The following BMERB1 variants were observed in gnomAD, a reference collection of about 807,000 sequenced individuals.
BMERB1 encodes bMERB domain-containing protein 1.
Under a neutral mutation model 23.6 loss-of-function variants are expected in BMERB1, and 12 were observed. The ratio of observed to expected loss-of-function variants is 0.51; its 90% confidence interval spans 0.33 to 0.82. The LOEUF (loss-of-function observed/expected upper bound fraction) is 0.82, where lower values mean the gene tolerates loss of function less well. BMERB1 is among the 40% of genes least tolerant of loss of function. BMERB1 has a pLI of 0.03. For synonymous variants in BMERB1, 122 were observed against 96.6 expected (o/e 1.26, Z -1.54); for missense variants, 247 against 255.4 (o/e 0.97, Z 0.22).
Position 15,434,716 on chromosome 16 carries a change from G to T in BMERB1, c.63G>T (p.Gly21=). Residue 21 remains glycine, a synonymous_variant, in exon 1 of 6, where the codon GGG becomes GGT. Coordinates refer to ENST00000300006, the MANE Select transcript of BMERB1 (RefSeq NM_033201.3). The stretch of plus-strand genomic sequence containing the variant: ...CCGAGAAGCCTCTGAGGCGCTATGG[G>T]GCGGTGGAGGAGACGGCTTGGAAAA... The part of the protein sequence containing the change: ...LEAEKPLRRY[G]AVEETAWKTE... The T allele has an allele frequency of 2.5e-6, 4 of 1,613,552 alleles. No homozygotes were observed. The highest frequency in any genetic ancestry group is 2.5e-6 in the Non-Finnish European group (3 of 1,179,728).
At chr16:15,497,329 G>A (rs2051483042) in intron 1 of BMERB1, among the ~76,000 whole-genome samples, 1 of 152,174 alleles carries the variant, frequency 6.6e-6, no homozygotes, top group Non-Finnish European at 1.5e-5. Flanking sequence ...AAGCAATCCC[G>A]ATGAATGAGG....
chr16:15,445,966 T>C (rs1372472896), intron 1 of BMERB1, among the ~76,000 whole-genome samples: 3 of 152,172 alleles, frequency 2.0e-5, no homozygotes, highest in African/African-American at 7.2e-5. Context: ...AAAATCATCA[T>C]GCTGAGTGAA....
intron 2 of BMERB1, among the ~76,000 whole-genome samples, chr16:15,555,565 T>C (rs565601758): frequency 1.4e-4 from 21 of 152,286 alleles, no homozygotes; most frequent in Non-Finnish European, 2.1e-4. Context: ...AACGAGTGTC[T>C]GACTGCAATC....
chr16:15,517,311 C>T (rs1352417616), intron 2 of BMERB1, among the ~76,000 whole-genome samples: 1 of 152,124 alleles, frequency 6.6e-6, no homozygotes, highest in Non-Finnish European at 1.5e-5. Flanking sequence ...GAGTTTGAGA[C>T]CAGCCTGGCC....
intron 1 of BMERB1, among the ~76,000 whole-genome samples, chr16:15,492,538 C>A (rs1309462713): frequency 2.0e-5 from 3 of 152,268 alleles, no homozygotes; most frequent in South Asian, 4.1e-4. Flanking sequence ...AATGGAGAAA[C>A]CTGGCAGACA....
chr16:15,489,129 A>G (rs1355868729), intron 1 of BMERB1, among the ~76,000 whole-genome samples: 1 of 152,114 alleles, frequency 6.6e-6, no homozygotes, highest in East Asian at 1.9e-4. Flanking sequence ...TCTGAATCTG[A>G]ACGGGAAGGG....
At chr16:15,435,618 C>T (rs1025032737) in intron 1 of BMERB1, among the ~76,000 whole-genome samples, 1 of 152,318 alleles carries the variant, frequency 6.6e-6, no homozygotes, top group Non-Finnish European at 1.5e-5. Context: ...AGGAGAGGTC[C>T]TTCTCAGGGA....
intron 1 of BMERB1, among the ~76,000 whole-genome samples, chr16:15,436,445 G>T (rs2050888907): frequency 6.6e-6 from 1 of 151,926 alleles, no homozygotes; most frequent in Admixed American, 6.6e-5. Context: ...TTTTAGTAGA[G>T]ATGGGGTTTC....
At chr16:15,484,175 C>G (rs1216442672) in intron 1 of BMERB1, among the ~76,000 whole-genome samples, 1 of 152,156 alleles carries the variant, frequency 6.6e-6, no homozygotes, top group African/African-American at 2.4e-5. Context: ...CTCCCATCAT[C>G]CAAACACCTC....
intron 1 of BMERB1, among the ~76,000 whole-genome samples, chr16:15,479,141 T>C (rs1161057367): frequency 1.3e-5 from 2 of 152,224 alleles, no homozygotes; most frequent in African/African-American, 4.8e-5. Context: ...TTGTTGCTGG[T>C]GATCAAACTT....
At chr16:15,583,375 C>T (rs2031064759) in intron 5 of BMERB1, 137 bp downstream of exon 5, 8 of 691,856 alleles carry the variant, frequency 1.2e-5, no homozygotes, top group South Asian at 4.9e-5. Context: ...GTCAGGAGTT[C>T]GAGACCAGCC....
Position 15,587,663 on chromosome 16 carries a change from T to C in BMERB1, c.*834T>C. The C allele has an allele frequency of 3.1e-6, 1 of 320,238 alleles. No individual in the cohort carries two copies. The allele number at this position is 320,238 out of a possible 1,614,324, so 19.8% of individuals were successfully genotyped here. ...CACCATTCCGGGGCCACCACAGAGATGCCAGCAGGATGCCACTTTGCCAGC... is the reference window on the plus strand; with the variant it reads ...CACCATTCCGGGGCCACCACAGAGACGCCAGCAGGATGCCACTTTGCCAGC... On this transcript the variant is annotated 3_prime_UTR_variant, in exon 6 of 6. Coordinates refer to ENST00000300006, the MANE Select transcript of BMERB1 (RefSeq NM_033201.3).
intron 1 of BMERB1, among the ~76,000 whole-genome samples, chr16:15,503,181 A>T (rs537438383): frequency 6.6e-6 from 1 of 152,240 alleles, no homozygotes; most frequent in Admixed American, 6.5e-5. Context: ...GCATCCTATT[A>T]GGGATTATAA....
rs759350784 is a variant in BMERB1 at position 15,586,868 on chromosome 16, C to A, written c.*39C>A. The A allele has an allele frequency of 2.9e-5, 38 of 1,332,666 alleles. No homozygotes were observed. In the Admixed American group the frequency reaches 3.5e-4, roughly 12 times the overall value. 82.6% of individuals were successfully genotyped at this position (1,332,666 alleles called of 1,614,324 possible). On this transcript the variant is annotated 3_prime_UTR_variant, in exon 6 of 6. Transcript: ENST00000300006. Reference sequence around the variant, plus strand: ...TGCCCTGGGCCATGGGGACCCCCCCCCACCCTCTTGTCTTTATAGCCCCCA... The same window carrying A: ...TGCCCTGGGCCATGGGGACCCCCCCACACCCTCTTGTCTTTATAGCCCCCA...
At chr16:15,513,100 A>T (rs1192217440) in intron 1 of BMERB1, among the ~76,000 whole-genome samples, 1 of 152,010 alleles carries the variant, frequency 6.6e-6, no homozygotes, top group Non-Finnish European at 1.5e-5. Flanking sequence ...TCCTGCCCCG[A>T]GTCTCCCCCA....
At chr16:15,503,654 C>T (rs949340592) in intron 1 of BMERB1, among the ~76,000 whole-genome samples, 6 of 152,096 alleles carry the variant, frequency 3.9e-5, no homozygotes, top group Admixed American at 3.3e-4. Context: ...CACACGGATA[C>T]TGAGGGACAA....
chr16:15,517,465 T>G (rs2051776349), intron 2 of BMERB1, among the ~76,000 whole-genome samples: 1 of 152,090 alleles, frequency 6.6e-6, no homozygotes, highest in South Asian at 2.1e-4. Context: ...GAGCTGAGAT[T>G]ATACCATTTC....
At chr16:15,490,833 C>T (rs920842728) in intron 1 of BMERB1, among the ~76,000 whole-genome samples, 2 of 152,106 alleles carry the variant, frequency 1.3e-5, no homozygotes, top group African/African-American at 4.8e-5. Flanking sequence ...GATTTTTATT[C>T]TTATTTTTTA....
At chr16:15,549,035 C>G (rs571955632) in intron 2 of BMERB1, among the ~76,000 whole-genome samples, 2 of 152,212 alleles carry the variant, frequency 1.3e-5, no homozygotes, top group Non-Finnish European at 2.9e-5. Flanking sequence ...TCCTTAGAAG[C>G]TCAGCTGAAA....
Sources: gnomAD v4.1 joint callset for allele counts (sites outside exome capture counted in the v4.1 genomes callset) on GRCh38, gnomAD v4.1.1 for gene constraint, MANE v1.5 for transcripts, NCBI Gene and HGNC (gene_info 2026-07-23, HGNC 2026-07-21) for gene names.